EYS: variants seen among roughly 807,000 people sequenced by gnomAD.
EYS encodes the protein EGF-like photoreceptor maintenance factor.
Under a neutral mutation model 282.1 loss-of-function variants are expected in EYS, and 250 were observed. The observed-to-expected ratio is 0.89, with a 90% CI of 0.80 to 0.98. The LOEUF is 0.98. Among genes scored for constraint, EYS ranks in the 50% least tolerant of loss-of-function variants. The pLI is 0.00. For missense variants in EYS, 4,016 were observed against 3,709.0 expected (o/e 1.08, Z -2.15); for synonymous variants, 1,355 against 1,282.9 (o/e 1.06, Z -1.20).
At chr6:65,293,973 C>T (rs977209717) in intron 12 of EYS, among the ~76,000 whole-genome samples, 18 of 150,284 alleles carry the variant, frequency 1.2e-4, no homozygotes, top group Admixed American at 8.0e-4. Flanking sequence ...AGTTTGGAGA[C>T]GGAGGGAGAG....
chr6:63,908,607 C>T lies in EYS; in HGVS notation c.7056-44249G>A, dbSNP rs546024922. Among the ~76,000 whole-genome samples, 283 of 151,966 alleles carry T rather than the reference C, an allele frequency of 1.9e-3. 2 individuals carry two copies. The highest frequency in any genetic ancestry group is 4.3e-4 in the Non-Finnish European group (29 of 68,002). ...CTGGGATTACAGGCACCCACCACCA[C>T]GCTCGGCTAATTTTTGTAATTTTAG... is the stretch of plus-strand genomic sequence containing the variant. On this transcript the variant is annotated intron_variant, in intron 35 of 42. Transcript: ENST00000503581.
intron 14 of EYS, among the ~76,000 whole-genome samples, chr6:64,948,664 T>C (rs1472246005): frequency 1.3e-5 from 2 of 149,294 alleles, no homozygotes; most frequent in African/African-American, 4.9e-5. Context: ...TAAAGTAAAA[T>C]ACTATTTTTA....
chr6:65,601,789 A>C (rs765213988), intron 2 of EYS, among the ~76,000 whole-genome samples: 3 of 151,990 alleles, frequency 2.0e-5, no homozygotes, highest in Non-Finnish European at 2.9e-5. Flanking sequence ...AATTAAAAGT[A>C]ATAACATGCC....
chr6:64,587,374 A>C (rs1198972184), intron 26 of EYS, among the ~76,000 whole-genome samples: 1 of 152,030 alleles, frequency 6.6e-6, no homozygotes, highest in Non-Finnish European at 1.5e-5. Context: ...TTTGTTCTAT[A>C]TTTTGGCAGT....
chr6:64,755,493 TACATACACAC>T (rs1484120792), intron 22 of EYS, among the ~76,000 whole-genome samples: 1 of 32,472 alleles, frequency 3.1e-5, no homozygotes, highest in East Asian at 7.1e-4. Context: ...CTTGAGAACA[TACATACACAC>T]ACACACACAC....
In EYS at chr6:65,630,893, C is replaced by T. The variant is rs75426115; in HGVS notation, c.-333+8885G>A. Among the ~76,000 whole-genome samples, 772 of 152,140 alleles carry T rather than the reference C, an allele frequency of 5.1e-3. 7 individuals carry two copies. The highest frequency in any genetic ancestry group is 0.017 in the African/African-American group (721 of 41,518). ...TGCAAAAGAACTGCTTGTTAACAAC[C>T]GTATTGTTTGGTAGTTAAGAACCAA... On this transcript the variant is annotated intron_variant, in intron 2 of 42. Coordinates refer to ENST00000503581, the MANE Select transcript of EYS (RefSeq NM_001142800.2).
chr6:64,560,706 A>T (rs1217896118), intron 26 of EYS, among the ~76,000 whole-genome samples: 1 of 152,166 alleles, frequency 6.6e-6, no homozygotes, highest in Non-Finnish European at 1.5e-5. Context: ...TCCTCAAAAA[A>T]ATTTAAAAAA....
At chr6:64,422,218 C>T (rs771435274) in intron 28 of EYS, among the ~76,000 whole-genome samples, 3 of 151,836 alleles carry the variant, frequency 2.0e-5, no homozygotes, top group Non-Finnish European at 4.4e-5. Flanking sequence ...TAAAGGGTGC[C>T]CATTGAAGGG....
At chr6:64,532,869 A>G (rs1312289944) in intron 26 of EYS, among the ~76,000 whole-genome samples, 1 of 152,168 alleles carries the variant, frequency 6.6e-6, no homozygotes, top group Non-Finnish European at 1.5e-5. Context: ...TAAAGAAGAA[A>G]CAGTCAGTTG....
At chr6:65,075,048 A>T (rs1179983417) in intron 12 of EYS, among the ~76,000 whole-genome samples, 6 of 152,106 alleles carry the variant, frequency 3.9e-5, no homozygotes, top group Admixed American at 1.3e-4. Context: ...AATAAAATGT[A>T]TATAATTTTC....
intron 35 of EYS, among the ~76,000 whole-genome samples, chr6:63,951,814 C>A (rs187526038): frequency 6.6e-6 from 1 of 152,152 alleles, no homozygotes; most frequent in African/African-American, 2.4e-5. Context: ...AGCATTTAGA[C>A]TCTTTTTCAC....
At chr6:65,454,973 G>C (rs544581009) in intron 5 of EYS, among the ~76,000 whole-genome samples, 18 of 151,996 alleles carry the variant, frequency 1.2e-4, no homozygotes, top group Non-Finnish European at 2.5e-4. Flanking sequence ...GCTTAGGGTT[G>C]CTTTGGCTAT....
At chr6:65,120,770 C>T (rs1393747366) in intron 12 of EYS, among the ~76,000 whole-genome samples, 1 of 152,138 alleles carries the variant, frequency 6.6e-6, no homozygotes, top group African/African-American at 2.4e-5. Context: ...GACTTTTCTT[C>T]CCCATCTCCT....
chr6:64,219,195 T>G (rs184311024), intron 31 of EYS, among the ~76,000 whole-genome samples: 59 of 152,310 alleles, frequency 3.9e-4, no homozygotes, highest in African/African-American at 1.4e-3. Flanking sequence ...TTGAAGACTC[T>G]AGCTTTGAGG....
chr6:64,560,750 G>A (rs2149811503), intron 26 of EYS, among the ~76,000 whole-genome samples: 1 of 152,146 alleles, frequency 6.6e-6, no homozygotes, highest in South Asian at 2.1e-4. Flanking sequence ...GTGCAGTGAG[G>A]GGAGTGTCTG....
intron 28 of EYS, among the ~76,000 whole-genome samples, chr6:64,391,706 A>C (rs1185768967): frequency 6.6e-6 from 1 of 152,102 alleles, no homozygotes; most frequent in Admixed American, 6.5e-5. Flanking sequence ...ACTAGGAAGA[A>C]ACTGCATCAA....
intron 11 of EYS, among the ~76,000 whole-genome samples, chr6:65,321,073 A>G (rs1263014849): frequency 6.6e-6 from 1 of 151,978 alleles, no homozygotes; most frequent in African/African-American, 2.4e-5. Context: ...CTGTTGGATA[A>G]CTCAACCCAT....
intron 26 of EYS, among the ~76,000 whole-genome samples, chr6:64,582,083 T>A (rs1396395231): frequency 2.6e-5 from 4 of 152,182 alleles, no homozygotes; most frequent in African/African-American, 9.7e-5. Context: ...ATAGTAAGTA[T>A]TCTGGGCTTG....
intron 36 of EYS, among the ~76,000 whole-genome samples, chr6:63,830,730 T>C: frequency 6.6e-6 from 1 of 152,046 alleles, no homozygotes; most frequent in East Asian, 1.9e-4. Context: ...ACAAAGATAC[T>C]CCTTGAGAAG....
Sources: gnomAD v4.1 joint callset for allele counts (sites outside exome capture counted in the v4.1 genomes callset) on GRCh38, gnomAD v4.1.1 for gene constraint, MANE v1.5 for transcripts, NCBI Gene and HGNC (gene_info 2026-07-23, HGNC 2026-07-21) for gene names.